Variants in SNX24 observed in about 807,000 individuals in gnomAD.
SNX24 encodes the protein sorting nexin 24.
In SNX24, 22 loss-of-function variants were observed where a neutral mutation model predicts 28.7. The observed-to-expected ratio is 0.77, with a 90% confidence interval of 0.55 to 1.10. The LOEUF (loss-of-function observed/expected upper bound fraction) is 1.10. Ranked by LOEUF, SNX24 falls within the 50% of genes least tolerant of loss-of-function variation. The probability of loss-of-function intolerance (pLI) is 0.00; values close to 1 mark genes in which losing one functional copy is unlikely to be tolerated. For missense variants in SNX24, 221 were observed against 201.1 expected, an observed-to-expected ratio of 1.10 and a Z score of -0.60; for synonymous variants, 69 against 71.5, an observed-to-expected ratio of 0.96 and a Z score of 0.18.
At chr5:122,985,791 C>T (rs962937057) in intron 3 of SNX24, among the ~76,000 whole-genome samples, 12 of 152,182 alleles carry the variant, frequency 7.9e-5, no homozygotes, top group African/African-American at 2.2e-4. Context: ...AGCCAAAGTT[C>T]GCTTTCTCAC....
At chr5:122,972,221 G>A (rs1218485730) in intron 3 of SNX24, among the ~76,000 whole-genome samples, 1 of 152,150 alleles carries the variant, frequency 6.6e-6, no homozygotes, top group African/African-American at 2.4e-5. Context: ...TCTCCTGGTG[G>A]CAGCATTCCT....
At chr5:122,933,835 T>C (rs1317705263) in intron 1 of SNX24, among the ~76,000 whole-genome samples, 1 of 151,982 alleles carries the variant, frequency 6.6e-6, no homozygotes, top group African/African-American at 2.4e-5. Context: ...TTTTCTTTTT[T>C]TTTTTTCCAC....
intron 1 of SNX24, among the ~76,000 whole-genome samples, chr5:122,846,888 T>C (rs1306698829): frequency 6.6e-6 from 1 of 152,116 alleles, no homozygotes; most frequent in Admixed American, 6.6e-5. Flanking sequence ...TTCCAGTGCA[T>C]TCACATTTCG....
chr5:122,958,259 AT>A (rs965444739), intron 3 of SNX24, among the ~76,000 whole-genome samples: 11 of 58,988 alleles, frequency 1.9e-4, no homozygotes, highest in South Asian at 1.8e-3. Flanking sequence ...CAAAAAAAAA[AT>A]TTTTTTTTTT....
intron 3 of SNX24, among the ~76,000 whole-genome samples, chr5:122,972,448 G>A (rs1467258510): frequency 1.3e-5 from 2 of 152,192 alleles, no homozygotes; most frequent in East Asian, 3.8e-4. Flanking sequence ...AGCTGCCCCA[G>A]CCCTGCAAAG....
intron 1 of SNX24, among the ~76,000 whole-genome samples, chr5:122,895,762 A>C (rs1335951817): frequency 6.6e-6 from 1 of 152,228 alleles, no homozygotes; most frequent in Non-Finnish European, 1.5e-5. Context: ...TATTTGAGCC[A>C]TAATAGGACT....
intron 1 of SNX24, among the ~76,000 whole-genome samples, chr5:122,931,457 C>T (rs932153032): frequency 4.6e-5 from 7 of 152,028 alleles, no homozygotes; most frequent in East Asian, 1.9e-4. Flanking sequence ...CAAGAAATGG[C>T]GCTTTTAGAG....
intron 3 of SNX24, among the ~76,000 whole-genome samples, chr5:122,963,419 G>A (rs890757673): frequency 1.3e-5 from 2 of 152,128 alleles, no homozygotes; most frequent in African/African-American, 4.8e-5. Context: ...TCATTTATAT[G>A]GACAGAAAGA....
At chr5:122,965,287 G>C (rs1427815643) in intron 3 of SNX24, among the ~76,000 whole-genome samples, 7 of 152,200 alleles carry the variant, frequency 4.6e-5, no homozygotes, top group African/African-American at 1.7e-4. Flanking sequence ...ACTCTCAGCA[G>C]ATTAGGCCCT....
At chr5:122,905,186 G>A (rs76779253) in intron 1 of SNX24, among the ~76,000 whole-genome samples, 5,898 of 152,238 alleles carry the variant, frequency 0.039, 180 homozygotes, top group East Asian at 0.1. Flanking sequence ...TTGAGGGTAG[G>A]TAAGGATCCT....
intron 1 of SNX24, among the ~76,000 whole-genome samples, chr5:122,909,723 T>C (rs1158987820): frequency 6.6e-6 from 1 of 152,188 alleles, no homozygotes; most frequent in East Asian, 1.9e-4. Flanking sequence ...GTGCTTACCA[T>C]TGGCCAAACT....
In SNX24 at chr5:123,018,273, G is replaced by A. The variant is rs527275354; in HGVS notation, n.384-10965G>A. On this transcript the variant is annotated intron_variant and non_coding_transcript_variant, in intron 5 of 5. Coordinates refer to the SNX24 transcript ENST00000502387. ...CAAGTCTGGAGTTTCTGTGCCCTAG[G>A]CTGACCAGTTCTTCCTCCTTTACCC... Among the ~76,000 whole-genome samples the A allele has an allele frequency of 2.0e-5, 3 of 152,140 alleles. No individual in the cohort carries two copies. The South Asian group carries it at 6.2e-4, about 32-fold the overall frequency.
At position 122,857,380 on chromosome 5, in the gene SNX24, A is replaced by T. The variant is rs187742709; in HGVS notation, c.60+11687A>T. 9.7e-4 allele frequency among the ~76,000 whole-genome samples: 144 copies of T among 148,882 alleles called. 1 individual carries two copies. Among genetic ancestry groups the T allele is most frequent in the African/African-American group, 3.4e-3 (140 of 40,790 alleles). ...AATCTTCTACATATGGCTACCACTT[A>T]TCCCTTCATCATTTATTTATTTATT... On this transcript the variant is annotated intron_variant, in intron 1 of 6. Coordinates refer to ENST00000261369, the MANE Select transcript of SNX24 (RefSeq NM_014035.4).
chr5:122,925,184 C>T (rs559005172), intron 1 of SNX24, among the ~76,000 whole-genome samples: 23 of 112,334 alleles, frequency 2.0e-4, no homozygotes, highest in South Asian at 7.9e-4. Context: ...CCCATCCCCT[C>T]CCATCCTTCT....
chr5:123,019,289 GAA>G (rs76674069), intron 5 of SNX24, among the ~76,000 whole-genome samples: 3 of 128,270 alleles, frequency 2.3e-5, no homozygotes, highest in African/African-American at 2.8e-5. Context: ...TCTTTAATTT[GAA>G]AAAAAAAAAA....
At chr5:123,002,256 G>T (rs1762272376) in intron 6 of SNX24, 2 of 500,780 alleles carry the variant, frequency 4.0e-6, no homozygotes, top group Admixed American at 3.6e-5. Flanking sequence ...TGGTATTTAT[G>T]GTCCTTAATT....
chr5:122,958,864 T>G (rs1419274194), intron 3 of SNX24, among the ~76,000 whole-genome samples: 1 of 152,120 alleles, frequency 6.6e-6, no homozygotes, highest in Admixed American at 6.5e-5. Context: ...CTGGCCAATA[T>G]AGTCTTTTTA....
At chr5:122,896,277 T>C (rs1757198995) in intron 1 of SNX24, among the ~76,000 whole-genome samples, 1 of 152,236 alleles carries the variant, frequency 6.6e-6, no homozygotes, top group African/African-American at 2.4e-5. Context: ...ACATTGATGA[T>C]TGATCCCATA....
chr5:122,997,516 G>A (rs139761909), intron 3 of SNX24, among the ~76,000 whole-genome samples: 196 of 152,228 alleles, frequency 1.3e-3, no homozygotes, highest in African/African-American at 4.5e-3. Flanking sequence ...CCTGTCTTTT[G>A]TCATTAATGA....
Sources: allele counts gnomAD v4.1 joint callset (sites outside exome capture counted in the v4.1 genomes callset), GRCh38; gene constraint gnomAD v4.1.1; transcripts MANE v1.5; gene names NCBI Gene and HGNC (gene_info 2026-07-23, HGNC 2026-07-21).